The following CLVS1 variants were observed in gnomAD, a reference collection of about 807,000 sequenced individuals.
CLVS1 encodes clavesin-1.
CLVS1 carries 10 observed loss-of-function variants against 33.1 expected under a neutral mutation model. The observed-to-expected ratio is 0.30, with a 90% confidence interval of 0.19 to 0.51. The LOEUF is 0.51. Among genes scored for constraint, CLVS1 ranks in the 20% least tolerant of loss-of-function variants. The probability of loss-of-function intolerance (pLI) is 0.97; values close to 1 mark genes in which losing one functional copy is unlikely to be tolerated. For missense variants in CLVS1, 343 were observed against 433.4 expected, an observed-to-expected ratio of 0.79 and a Z score of 1.85; for synonymous variants, 163 against 166.1, an observed-to-expected ratio of 0.98 and a Z score of 0.14.
At chr8:61,045,409 C>T in the CLVS1 span, among the ~76,000 whole-genome samples, 1 of 152,170 alleles carries the variant, frequency 6.6e-6, no homozygotes, top group Non-Finnish European at 1.5e-5. Context: ...TGAAGACAAA[C>T]TTTATGGCAA....
chr8:61,362,176 T>C (rs955188767), intron 2 of CLVS1, among the ~76,000 whole-genome samples: 1 of 152,172 alleles, frequency 6.6e-6, no homozygotes, highest in African/African-American at 2.4e-5. Flanking sequence ...TGGGAGTCAT[T>C]GTCAATACTC....
At chr8:61,088,565 G>C (rs2129283914) in intron 1 of CLVS1, among the ~76,000 whole-genome samples, 1 of 150,332 alleles carries the variant, frequency 6.7e-6, no homozygotes, top group East Asian at 2.0e-4. Context: ...GCATTTTTCT[G>C]TTATATGCCA....
At chr8:61,159,083 G>A (rs1262162126) in intron 2 of CLVS1, among the ~76,000 whole-genome samples, 1 of 152,106 alleles carries the variant, frequency 6.6e-6, no homozygotes, top group East Asian at 1.9e-4. Context: ...TTATTGCCCA[G>A]GCTGGTCTCA....
At chr8:61,272,030 G>T (rs1290574879) in intron 2 of CLVS1, among the ~76,000 whole-genome samples, 1 of 151,290 alleles carries the variant, frequency 6.6e-6, no homozygotes, top group Non-Finnish European at 1.5e-5. Context: ...ATTTGATCCT[G>T]TCATTATGAT....
intron 1 of CLVS1, among the ~76,000 whole-genome samples, chr8:61,298,592 G>C (rs1258988887): frequency 6.6e-6 from 1 of 152,142 alleles, no homozygotes; most frequent in East Asian, 1.9e-4. Context: ...ATAATGATTA[G>C]ATTGGGAGTA....
intron 2 of CLVS1, among the ~76,000 whole-genome samples, chr8:61,191,154 A>G (rs1364840113): frequency 6.6e-6 from 1 of 152,160 alleles, no homozygotes; most frequent in African/African-American, 2.4e-5. Context: ...GAATCCAGCA[A>G]TACATCAAAA....
intron 2 of CLVS1, chr8:61,132,009 G>A (rs958586867): frequency 6.6e-6 from 1 of 152,502 alleles, no homozygotes; most frequent in East Asian, 1.9e-4. Context: ...CACAGCGACT[G>A]GGTGGGGTGC....
At chr8:61,478,188 G>T (rs1483909920) in intron 5 of CLVS1, among the ~76,000 whole-genome samples, 1 of 152,200 alleles carries the variant, frequency 6.6e-6, no homozygotes, top group Non-Finnish European at 1.5e-5. Flanking sequence ...GAGACAGTTT[G>T]TTATAATTTC....
chr8:61,190,022 T>C (rs11778373), intron 2 of CLVS1, among the ~76,000 whole-genome samples: 115,295 of 152,032 alleles, frequency 0.76, 44,584 homozygotes, highest in Middle Eastern at 0.9. Context: ...ACCAAGCAGA[T>C]CTAATAGACA....
chr8:61,113,105 A>G (rs944091396), intron 1 of CLVS1, among the ~76,000 whole-genome samples: 2 of 152,120 alleles, frequency 1.3e-5, no homozygotes, highest in African/African-American at 4.8e-5. Flanking sequence ...GAGGGTCCCT[A>G]TGTGAGAAGC....
chr8:60,994,096 G>C, the CLVS1 span, among the ~76,000 whole-genome samples: 1 of 152,184 alleles, frequency 6.6e-6, no homozygotes, highest in South Asian at 2.1e-4. Context: ...CAGTTTTGAA[G>C]GCTGGAAGTC....
At chr8:61,073,478 C>T (rs7013572) in intron 1 of CLVS1, among the ~76,000 whole-genome samples, 11,695 of 152,184 alleles carry the variant, frequency 0.077, 519 homozygotes, top group Middle Eastern at 0.13. Context: ...CTTGTCTCTT[C>T]GAAAGTGGGC....
intron 3 of CLVS1, among the ~76,000 whole-genome samples, chr8:61,424,080 C>A (rs1268043774): frequency 6.6e-6 from 1 of 152,246 alleles, no homozygotes; most frequent in Admixed American, 6.5e-5. Flanking sequence ...ACAGGGCCAC[C>A]TGTGACATTG....
chr8:61,097,721 GA>G (rs1805378353), intron 1 of CLVS1, among the ~76,000 whole-genome samples: 1 of 152,142 alleles, frequency 6.6e-6, no homozygotes, highest in Non-Finnish European at 1.5e-5. Flanking sequence ...TGGAGGGTGG[GA>G]TCTGCTATTA....
chr8:61,341,637 T>C (rs1167061193), intron 2 of CLVS1, among the ~76,000 whole-genome samples: 1 of 152,318 alleles, frequency 6.6e-6, no homozygotes, highest in Middle Eastern at 3.4e-3. Context: ...CTGATTTGTT[T>C]TGAGCAGTCA....
intron 5 of CLVS1, among the ~76,000 whole-genome samples, chr8:61,491,446 T>A (rs929584241): frequency 6.6e-6 from 1 of 152,230 alleles, no homozygotes; most frequent in Non-Finnish European, 1.5e-5. Context: ...AGTCATAAAG[T>A]TAATGTTAAT....
intron 5 of CLVS1, among the ~76,000 whole-genome samples, chr8:61,460,126 A>C (rs572528958): frequency 2.3e-4 from 35 of 152,288 alleles, no homozygotes; most frequent in African/African-American, 7.9e-4. Flanking sequence ...GATGAGGAAG[A>C]CTTCAGCCCA....
chr8:61,021,892 C>G, the CLVS1 span, among the ~76,000 whole-genome samples: 1 of 151,988 alleles, frequency 6.6e-6, no homozygotes. Flanking sequence ...TCTTACTGGC[C>G]CCTACCCCCA....
chr8:61,202,478 C>T, intron 2 of CLVS1: 2 of 865,530 alleles, frequency 2.3e-6, no homozygotes, highest in Non-Finnish European at 3.9e-6. Flanking sequence ...CGCCAGTTGT[C>T]TTTAAGAACG....
Sources: gnomAD v4.1 joint callset for allele counts (sites outside exome capture counted in the v4.1 genomes callset) on GRCh38, gnomAD v4.1.1 for gene constraint, MANE v1.5 for transcripts, NCBI Gene and HGNC (gene_info 2026-07-23, HGNC 2026-07-21) for gene names.